Variants in DNAH11 observed in about 807,000 individuals in gnomAD.
DNAH11 encodes the protein axonemal beta dynein heavy chain 11.
In DNAH11, 442 loss-of-function variants were observed where a neutral mutation model predicts 526.0. That is an observed-to-expected ratio of 0.84 (90% CI 0.78 to 0.91). DNAH11 has a LOEUF of 0.91. DNAH11 is among the 40% of genes least tolerant of loss of function. The probability of loss-of-function intolerance (pLI) is 0.00; values close to 1 mark genes in which losing one functional copy is unlikely to be tolerated. For missense variants in DNAH11, 6,989 were observed against 5,448.7 expected (o/e 1.28, Z -8.90); for synonymous variants, 2,461 against 1,935.9 (o/e 1.27, Z -7.12).
chr7:21,824,707 G>C (rs1790201857), intron 65 of DNAH11, among the ~76,000 whole-genome samples: 1 of 152,156 alleles, frequency 6.6e-6, no homozygotes, highest in Non-Finnish European at 1.5e-5. Flanking sequence ...TTAAAATAAT[G>C]TTTTAACACG....
chr7:21,587,966 A>G, intron 9 of DNAH11, 98 bp from the exon 10 acceptor site: 1 of 1,163,392 alleles, frequency 8.6e-7, no homozygotes, highest in Non-Finnish European at 1.2e-6. Context: ...AAGATTCTAA[A>G]CTTTAGTCAT....
intron 8 of DNAH11, among the ~76,000 whole-genome samples, chr7:21,574,509 C>A (rs1047594700): frequency 6.6e-6 from 1 of 151,776 alleles, no homozygotes. Context: ...CCAGAACTCT[C>A]AACCACAAGC....
rs1332284659 is a variant in DNAH11 at position 21,892,609 on chromosome 7, A to C, written c.12692A>C (p.Glu4231Ala). 2.5e-6 allele frequency: 4 copies of C among 1,613,688 alleles called. No homozygotes were observed. The highest frequency in any genetic ancestry group is 3.4e-6 in the Non-Finnish European group (4 of 1,179,752). ...TSNTLFRTLL[E>A]MQPRNALSGD... ...AACACTCTCTTCAGAACTTTGCTGG[A>C]GATGCAGCCCAGGAATGCACTCAGT... The change falls in exon 77 of 82, where the codon GAG (glutamate) becomes GCG (alanine). Residue 4231 changes from glutamate (E) to alanine (A), a missense_variant. Glu to Ala is a moderately radical substitution (Grantham distance 107, BLOSUM62 -1). Coordinates refer to ENST00000409508, the MANE Select transcript of DNAH11 (RefSeq NM_001277115.2).
chr7:21,713,200 C>A (rs1784526007), intron 42 of DNAH11, among the ~76,000 whole-genome samples: 1 of 152,150 alleles, frequency 6.6e-6, no homozygotes, highest in African/African-American at 2.4e-5. Flanking sequence ...TGAACCCATG[C>A]TTGTGCCTGG....
At chr7:21,843,930 A>T (rs1003082873) in intron 66 of DNAH11, among the ~76,000 whole-genome samples, 2 of 152,238 alleles carry the variant, frequency 1.3e-5, no homozygotes, top group African/African-American at 4.8e-5. Flanking sequence ...AAGGATTTAT[A>T]TTTCAGATGT....
At chr7:21,553,036 G>A (rs1451244647) in intron 2 of DNAH11, among the ~76,000 whole-genome samples, 1 of 145,410 alleles carries the variant, frequency 6.9e-6, no homozygotes, top group Non-Finnish European at 1.5e-5. Flanking sequence ...TTTATTACTA[G>A]CTGGTGATAT....
Position 21,601,585 on chromosome 7 carries a change from G to A in DNAH11, c.3615G>A (p.Gln1205=). 6.3e-7 allele frequency: 1 copy of A among 1,599,430 alleles called. No individual in the cohort carries two copies. ...TCACCCTCTTGGAAAGCTATGGCCA[G>A]AAGATGCCTGAGCAGGTCTATATTC... is the stretch of plus-strand genomic sequence containing the variant. ...ETITLLESYG[Q]KMPEQVYIQL... The change falls in exon 18 of 82, where the codon CAG becomes CAA. Residue 1205 remains glutamine (Q), a synonymous_variant. Transcript: ENST00000409508.
At chr7:21,640,127 A>G (rs542894528) in intron 28 of DNAH11, among the ~76,000 whole-genome samples, 1 of 152,348 alleles carries the variant, frequency 6.6e-6, no homozygotes, top group Admixed American at 6.5e-5. Context: ...GTTCAGGGTC[A>G]CCACTCAGGT....
At chr7:21,623,736 G>T (rs367947924) in intron 25 of DNAH11, among the ~76,000 whole-genome samples, 1 of 149,432 alleles carries the variant, frequency 6.7e-6, no homozygotes, top group South Asian at 2.1e-4. Context: ...AGCACTGCAT[G>T]TTCTCACACA....
chr7:21,738,222 G>A (rs1256824873), intron 46 of DNAH11, among the ~76,000 whole-genome samples: 1 of 152,182 alleles, frequency 6.6e-6, no homozygotes, highest in Non-Finnish European at 1.5e-5. Flanking sequence ...CTTGTGGATA[G>A]TGTCTACACA....
rs953931961 is a variant in DNAH11, at chr7:21,741,817, G to A, written c.7915-110G>A. 5 of 1,271,846 alleles carry A rather than the reference G, an allele frequency of 3.9e-6. No homozygotes were observed. The Admixed American group carries it at 7.4e-5, about 19-fold the overall frequency. The allele number at this position is 1,271,846 out of a possible 1,614,324, so 78.8% of individuals were successfully genotyped here. ...CAGAGTCAGAGTGGAGCACTAAAAA[G>A]CTACATGGTAATGGGCCTGGATACA... On this transcript the variant is annotated intron_variant, in intron 48 of 81. Transcript: ENST00000409508.
chr7:21,883,216 C>T (rs1783990667), intron 75 of DNAH11, among the ~76,000 whole-genome samples: 3 of 152,194 alleles, frequency 2.0e-5, no homozygotes, highest in African/African-American at 4.8e-5. Context: ...CAAGCGAAGG[C>T]TATAATTATA....
At chr7:21,889,741 A>G (rs555442841) in intron 76 of DNAH11, among the ~76,000 whole-genome samples, 1 of 152,338 alleles carries the variant, frequency 6.6e-6, no homozygotes, top group East Asian at 1.9e-4. Flanking sequence ...TTGAGGCATT[A>G]TAACAGCTTT....
At chr7:21,691,821 A>T (rs1022763766) in intron 35 of DNAH11, among the ~76,000 whole-genome samples, 2 of 152,146 alleles carry the variant, frequency 1.3e-5, no homozygotes. Flanking sequence ...GTTGTCTGTT[A>T]TGTAGGGTTT....
rs377689546 is a variant in DNAH11 at position 21,617,687 on chromosome 7, G to A, written c.4164G>A (p.Lys1388=). 7 of 1,613,744 alleles carry A rather than the reference G, an allele frequency of 4.3e-6. No homozygotes were observed. The highest frequency in any genetic ancestry group is 5.9e-6 in the Non-Finnish European group (7 of 1,179,840). ...DAYTGLEGTV[K]DMTASLRAIT... ...ACACGGGCCTGGAAGGCACAGTTAA[G>A]GACATGACAGCCTCCCTGAGGGCCA... Residue 1388 remains lysine, a synonymous_variant, in exon 23 of 82, where the codon AAG becomes AAA. Coordinates refer to ENST00000409508, the MANE Select transcript of DNAH11 (RefSeq NM_001277115.2).
chr7:21,632,067 AACACC>A (rs754989004), intron 25 of DNAH11, among the ~76,000 whole-genome samples: 6 of 152,210 alleles, frequency 3.9e-5, no homozygotes, highest in Non-Finnish European at 5.9e-5. Flanking sequence ...TGGCAGACTC[AACACC>A]ACATGGAAGC....
In DNAH11 at chr7:21,900,093, G is replaced by GCATACCTC; in HGVS notation, c.13279_13286dup (p.Gly4430ThrfsTer59). On this transcript the variant is annotated frameshift_variant, in exon 81 of 82. Coordinates refer to ENST00000409508, the MANE Select transcript of DNAH11 (RefSeq NM_001277115.2). LOFTEE classifies it high-confidence loss of function. ...TTATGGACACCCGCCAAGGGAAGGT[G>GCATACCTC]CATACCTCCACGGACTCTTCATGGA... 3 of 1,613,854 alleles carry GCATACCTC rather than the reference G, an allele frequency of 1.9e-6. No homozygotes were observed. The highest frequency in any genetic ancestry group is 2.5e-6 in the Non-Finnish European group (3 of 1,179,810).
intron 66 of DNAH11, among the ~76,000 whole-genome samples, chr7:21,849,754 T>C (rs1438286676): frequency 1.3e-5 from 2 of 152,184 alleles, no homozygotes; most frequent in African/African-American, 4.8e-5. Context: ...TCTTTGTCTT[T>C]GATATTATGC....
At chr7:21,670,467 A>G (rs1782600988) in intron 30 of DNAH11, among the ~76,000 whole-genome samples, 1 of 152,208 alleles carries the variant, frequency 6.6e-6, no homozygotes, top group South Asian at 2.1e-4. Context: ...GTACAGAAAT[A>G]CATCATCTGT....
Sources: allele counts gnomAD v4.1 joint callset (sites outside exome capture counted in the v4.1 genomes callset), GRCh38; gene constraint gnomAD v4.1.1; transcripts MANE v1.5; gene names NCBI Gene and HGNC (gene_info 2026-07-23, HGNC 2026-07-21).